The following TRA2A variants were observed in gnomAD, a reference collection of about 807,000 sequenced individuals.
The protein encoded by TRA2A is transformer 2 alpha homolog.
A neutral mutation model predicts 45.7 loss-of-function variants in TRA2A; 31 were observed. That is an observed-to-expected ratio of 0.68 (90% CI 0.51 to 0.92). TRA2A has a LOEUF of 0.92. Ranked by LOEUF, TRA2A falls within the 40% of genes least tolerant of loss-of-function variation. The pLI is 0.00. For synonymous variants in TRA2A, 132 were observed against 126.2 expected, an observed-to-expected ratio of 1.05 and a Z score of -0.31; for missense variants, 304 against 367.5, an observed-to-expected ratio of 0.83 and a Z score of 1.41.
chr7:23,528,641 A>C (rs955968913), intron 1 of TRA2A, among the ~76,000 whole-genome samples: 5 of 152,034 alleles, frequency 3.3e-5, no homozygotes, highest in East Asian at 3.9e-4. Context: ...CAAATCTTTT[A>C]ATTCCAAATT....
Position 23,531,960 on chromosome 7 carries a change from C to G in TRA2A, c.-136G>C, listed in dbSNP as rs115263571. ...ACAGCCGCTCCACTCCACTCCCACT[C>G]GGTCGCAGGCTCCAGCAAAATGGCG... On this transcript the variant is annotated 5_prime_UTR_variant, in exon 1 of 8. Transcript: ENST00000297071. 1.1e-6 allele frequency: 1 copy of G among 910,116 alleles called. No individual in the cohort carries two copies. Among genetic ancestry groups the G allele is most frequent in the East Asian group, 2.6e-5 (1 of 38,862 alleles). 56.4% of individuals were successfully genotyped at this position (910,116 alleles called of 1,614,324 possible).
chr7:23,507,705 T>A, intron 4 of TRA2A, among the ~76,000 whole-genome samples, 170 bp from the exon 5 acceptor site: 1 of 152,232 alleles, frequency 6.6e-6, no homozygotes, highest in Non-Finnish European at 1.5e-5. Flanking sequence ...CTCAACAATG[T>A]CCAGAACACA....
intron 1 of TRA2A, 44 bp downstream of exon 1, chr7:23,531,745 G>A: frequency 6.2e-7 from 1 of 1,610,190 alleles, no homozygotes; most frequent in South Asian, 1.1e-5. Context: ...GAAACCCCGA[G>A]CATTGGGCCG....
intron 5 of TRA2A, 169 bp downstream of exon 5, chr7:23,507,238 TACAGGCATGTGCC>T (rs1158053034): frequency 8.9e-6 from 5 of 564,220 alleles, no homozygotes; most frequent in African/African-American, 5.6e-5. Flanking sequence ...CAGCTGGGAT[TACAGGCATGTGCC>T]ACCACACCTG....
chr7:23,527,094 G>GT (rs142221418), intron 1 of TRA2A, among the ~76,000 whole-genome samples: 2,718 of 152,226 alleles, frequency 0.018, 76 homozygotes, highest in African/African-American at 0.063. Flanking sequence ...AAACAAGTTT[G>GT]TAAGGACTAA....
chr7:23,530,602 ACT>A (rs1790534956), intron 1 of TRA2A, among the ~76,000 whole-genome samples: 3 of 152,102 alleles, frequency 2.0e-5, no homozygotes, highest in Admixed American at 2.0e-4. Flanking sequence ...ACTTCTACTA[ACT>A]CACTTCTACA....
chr7:23,525,275 A>C (rs1344507009), intron 1 of TRA2A, among the ~76,000 whole-genome samples: 1 of 152,230 alleles, frequency 6.6e-6, no homozygotes, highest in Non-Finnish European at 1.5e-5. Context: ...AAATTCATAA[A>C]ACTATCCACA....
intron 1 of TRA2A, among the ~76,000 whole-genome samples, chr7:23,523,212 T>C (rs1790207623): frequency 6.6e-6 from 1 of 152,206 alleles, no homozygotes; most frequent in Non-Finnish European, 1.5e-5. Context: ...TTATGTTCAG[T>C]TTTTACATAA....
At chr7:23,512,293 A>G (rs1789658766) in intron 4 of TRA2A, among the ~76,000 whole-genome samples, 4 of 152,180 alleles carry the variant, frequency 2.6e-5, no homozygotes, top group Admixed American at 2.6e-4. Context: ...GTTCGAGATC[A>G]GCCTGGGCAA....
intron 1 of TRA2A, chr7:23,522,492 G>T: frequency 1.3e-6 from 1 of 765,978 alleles, no homozygotes; most frequent in Non-Finnish European, 1.7e-6. Flanking sequence ...AACTCTGCTG[G>T]AGTTCAGAAT....
chr7:23,507,665 G>T (rs1244566898), intron 4 of TRA2A, 130 bp from the exon 5 acceptor site: 3 of 680,016 alleles, frequency 4.4e-6, no homozygotes, highest in Non-Finnish European at 7.9e-6. Flanking sequence ...AATGTAGCTT[G>T]TACAGGGCAT....
chr7:23,508,275 T>TA (rs67642004), intron 4 of TRA2A, among the ~76,000 whole-genome samples: 37,175 of 101,226 alleles, frequency 0.37, 6,880 homozygotes, highest in African/African-American at 0.46. Context: ...TAAAGGTCAT[T>TA]AAAAAAAAAA....
rs764849438 is a variant in TRA2A at position 23,517,503 on chromosome 7, A to AAAAAAAAAAAAAAG, written c.171-976_171-975insCTTTTTTTTTTTTT. ...AAAAAAAAAAAAAAAAAAAAAAAAA[A>AAAAAAAAAAAAAAG]AGAGAGAAAGAAAGAAAAATCACTT... On this transcript the variant is annotated intron_variant, in intron 2 of 7. Transcript: ENST00000297071. Among the ~76,000 whole-genome samples, 795 of 116,096 alleles carry AAAAAAAAAAAAAAG rather than the reference A, an allele frequency of 6.8e-3. 53 individuals are homozygous for AAAAAAAAAAAAAAG. The highest frequency in any genetic ancestry group is 0.022 in the East Asian group (67 of 2,978). 76.2% of individuals were successfully genotyped at this position (116,096 alleles called of 152,430 possible). A position where few individuals can be genotyped will look rare whatever the true frequency, so the allele number is the denominator to read the frequency against.
intron 1 of TRA2A, 121 bp downstream of exon 1, chr7:23,531,668 G>C: frequency 9.5e-7 from 1 of 1,050,054 alleles, no homozygotes; most frequent in Non-Finnish European, 1.4e-6. Context: ...GGAATCAATC[G>C]CGATGGCTCC....
At chr7:23,519,136 G>A (rs1790020380) in intron 2 of TRA2A, among the ~76,000 whole-genome samples, 1 of 152,208 alleles carries the variant, frequency 6.6e-6, no homozygotes. Context: ...GCTCACGCCT[G>A]TAATCCCAGC....
intron 1 of TRA2A, chr7:23,531,545 G>A (rs1299184848): frequency 1.2e-5 from 7 of 578,528 alleles, no homozygotes; most frequent in Admixed American, 3.3e-5. Flanking sequence ...CGGGGGCGGG[G>A]AGGGAAGAGG....
intron 2 of TRA2A, among the ~76,000 whole-genome samples, chr7:23,518,672 CTTGT>C (rs1283868935): frequency 2.2e-5 from 3 of 136,336 alleles, no homozygotes; most frequent in African/African-American, 2.8e-5. Context: ...GTCTTCATTT[CTTGT>C]TTTTTTTTTT....
chr7:23,510,481 C>T (rs1409061993), intron 4 of TRA2A, among the ~76,000 whole-genome samples: 2 of 149,424 alleles, frequency 1.3e-5, no homozygotes, highest in Non-Finnish European at 3.0e-5. Context: ...CAGGCGCTTG[C>T]CACAATGCCC....
intron 2 of TRA2A, among the ~76,000 whole-genome samples, chr7:23,519,561 A>C (rs969765829): frequency 6.9e-6 from 1 of 145,646 alleles, no homozygotes; most frequent in African/African-American, 2.8e-5. Context: ...ATCTCAAAAA[A>C]CAAACAAACA....
Sources: gnomAD v4.1 joint callset for allele counts (sites outside exome capture counted in the v4.1 genomes callset) on GRCh38, gnomAD v4.1.1 for gene constraint, MANE v1.5 for transcripts, NCBI Gene and HGNC (gene_info 2026-07-23, HGNC 2026-07-21) for gene names.